CSMD1: variants seen among roughly 807,000 people sequenced by gnomAD.
The protein encoded by CSMD1 is CUB and Sushi multiple domains 1.
In CSMD1, 213 loss-of-function variants were observed where a neutral mutation model predicts 417.5. The ratio of observed to expected loss-of-function variants is 0.51; its 90% CI spans 0.46 to 0.57. The LOEUF (loss-of-function observed/expected upper bound fraction) is 0.57. Among genes scored for constraint, CSMD1 ranks in the 20% least tolerant of loss-of-function variants. CSMD1 has a pLI of 0.00. For synonymous variants in CSMD1, 2,862 were observed against 1,736.8 expected, an observed-to-expected ratio of 1.65 and a Z score of -16.11; for missense variants, 6,923 against 4,529.7, an observed-to-expected ratio of 1.53 and a Z score of -15.17.
At chr8:3,864,659 C>A (rs886567127) in intron 5 of CSMD1, among the ~76,000 whole-genome samples, 1 of 152,166 alleles carries the variant, frequency 6.6e-6, no homozygotes, top group Non-Finnish European at 1.5e-5. Context: ...TGATGTTCCC[C>A]TGAAGAAGAC....
chr8:4,565,447 T>C (rs1045771559), intron 2 of CSMD1, among the ~76,000 whole-genome samples: 8 of 152,034 alleles, frequency 5.3e-5, no homozygotes, highest in South Asian at 2.1e-4. Context: ...AAGTAAAATA[T>C]AGATTTTAGC....
chr8:2,966,434 G>A (rs769622261), intron 58 of CSMD1, 136 bp downstream of exon 58: 10 of 768,830 alleles, frequency 1.3e-5, no homozygotes, highest in Non-Finnish European at 2.0e-5. Context: ...CAGCCACAAT[G>A]TCACACATAG....
chr8:4,154,221 T>G (rs1796712514), intron 3 of CSMD1, among the ~76,000 whole-genome samples: 1 of 152,140 alleles, frequency 6.6e-6, no homozygotes. Context: ...ATATCAAGGT[T>G]AGTGTAAGCA....
intron 25 of CSMD1, among the ~76,000 whole-genome samples, chr8:3,296,048 C>G (rs1342063757): frequency 6.6e-6 from 1 of 151,650 alleles, no homozygotes; most frequent in Non-Finnish European, 1.5e-5. Context: ...TCCACAGCAC[C>G]CATAACAAAT....
At chr8:3,467,346 C>T (rs1050054218) in intron 12 of CSMD1, among the ~76,000 whole-genome samples, 1 of 152,158 alleles carries the variant, frequency 6.6e-6, no homozygotes, top group African/African-American at 2.4e-5. Flanking sequence ...CTGATGATTT[C>T]AGATTCTACC....
At chr8:4,342,517 C>A (rs527825409) in intron 3 of CSMD1, among the ~76,000 whole-genome samples, 2 of 152,136 alleles carry the variant, frequency 1.3e-5, no homozygotes, top group East Asian at 1.9e-4. Context: ...TCATTCCGAA[C>A]TCTGACATTT....
intron 11 of CSMD1, among the ~76,000 whole-genome samples, chr8:3,482,951 T>G (rs145499194): frequency 6.6e-6 from 1 of 152,124 alleles, no homozygotes; most frequent in Non-Finnish European, 1.5e-5. Context: ...AAACACAACA[T>G]ATAAAAATAT....
chr8:4,751,722 C>A (rs1301273407), intron 1 of CSMD1, among the ~76,000 whole-genome samples: 1 of 152,150 alleles, frequency 6.6e-6, no homozygotes, highest in African/African-American at 2.4e-5. Flanking sequence ...TTTATTTTCC[C>A]TGTCAGTCTG....
At chr8:2,973,441 A>G in intron 56 of CSMD1, 142 bp from the exon 57 acceptor site, 1 of 831,262 alleles carries the variant, frequency 1.2e-6, no homozygotes, top group Non-Finnish European at 1.9e-6. Flanking sequence ...GCAATCTTGT[A>G]AGAAAGAATT....
intron 7 of CSMD1, among the ~76,000 whole-genome samples, chr8:3,679,651 C>A (rs1328356097): frequency 7.9e-5 from 12 of 152,158 alleles, no homozygotes; most frequent in Non-Finnish European, 1.5e-5. Context: ...ACAAGGATAT[C>A]CAGGAATTGA....
intron 10 of CSMD1, among the ~76,000 whole-genome samples, chr8:3,505,899 C>T (rs927852672): frequency 1.3e-5 from 2 of 152,142 alleles, no homozygotes; most frequent in Non-Finnish European, 2.9e-5. Flanking sequence ...AAAACAGTTA[C>T]TTAAGGAGGT....
intron 5 of CSMD1, among the ~76,000 whole-genome samples, chr8:3,959,963 T>A (rs575858253): frequency 6.6e-6 from 1 of 152,314 alleles, no homozygotes; most frequent in East Asian, 1.9e-4. Context: ...TACTTGAACA[T>A]TTACGAAATA....
chr8:2,945,736 T>C lies in CSMD1; in HGVS notation c.10403-3132A>G, dbSNP rs572785198. ...CCTTGTTTTCCCCTGTCCCTCCTCCTCTCTCATTGCCCTCCTTCCACACGT... is the reference window on the plus strand; with the variant it reads ...CCTTGTTTTCCCCTGTCCCTCCTCCCCTCTCATTGCCCTCCTTCCACACGT... On this transcript the variant is annotated intron_variant, in intron 68 of 69. Transcript: ENST00000635120. 7.2e-5 allele frequency among the ~76,000 whole-genome samples: 11 copies of C among 152,228 alleles called. No homozygotes were observed. In the East Asian group the frequency reaches 1.7e-3, roughly 24 times the overall value.
chr8:3,555,977 T>G (rs2116816819), intron 10 of CSMD1, among the ~76,000 whole-genome samples: 1 of 152,280 alleles, frequency 6.6e-6, no homozygotes, highest in African/African-American at 2.4e-5. Flanking sequence ...AATGACAGAC[T>G]ATTAAAACTG....
intron 3 of CSMD1, among the ~76,000 whole-genome samples, chr8:4,292,518 C>T (rs767867546): frequency 7.2e-5 from 11 of 152,130 alleles, no homozygotes; most frequent in Non-Finnish European, 1.6e-4. Flanking sequence ...TCCCCGAGTG[C>T]TGGGATTACA....
intron 5 of CSMD1, among the ~76,000 whole-genome samples, chr8:3,977,035 G>A (rs891731231): frequency 3.9e-5 from 6 of 152,154 alleles, no homozygotes; most frequent in Admixed American, 3.9e-4. Flanking sequence ...TGGGTGAGAC[G>A]GGATTACAAC....
chr8:3,461,624 T>C (rs73174853), intron 12 of CSMD1, among the ~76,000 whole-genome samples: 9,967 of 152,278 alleles, frequency 0.065, 429 homozygotes, highest in Non-Finnish European at 0.098. Flanking sequence ...CTGTAAGCTA[T>C]CCCTGTGGCC....
At chr8:4,157,530 A>T (rs1796901722) in intron 3 of CSMD1, among the ~76,000 whole-genome samples, 1 of 152,112 alleles carries the variant, frequency 6.6e-6, no homozygotes, top group Admixed American at 6.5e-5. Context: ...AAGCAGCTCT[A>T]GCTACCTCTA....
At chr8:3,164,225 A>G (rs1585526457) in intron 37 of CSMD1, among the ~76,000 whole-genome samples, 1 of 152,332 alleles carries the variant, frequency 6.6e-6, no homozygotes, top group Middle Eastern at 3.4e-3. Context: ...TAGTTGAGTA[A>G]TGTCAGGCCA....
Sources: allele counts gnomAD v4.1 joint callset (sites outside exome capture counted in the v4.1 genomes callset), GRCh38; gene constraint gnomAD v4.1.1; transcripts MANE v1.5; gene names NCBI Gene and HGNC (gene_info 2026-07-23, HGNC 2026-07-21).